WDR70: variants seen among roughly 807,000 people sequenced by gnomAD.
WDR70 encodes WD repeat domain 70, also known as WD repeat-containing protein 70.
In WDR70, 53 loss-of-function variants were observed where a neutral mutation model predicts 88.6. The ratio of observed to expected loss-of-function variants is 0.60; its 90% confidence interval spans 0.48 to 0.75. The LOEUF (loss-of-function observed/expected upper bound fraction) is 0.75, where lower values mean the gene tolerates loss of function less well. WDR70 is among the 30% of genes least tolerant of loss of function. The probability of loss-of-function intolerance (pLI) is 0.00; values close to 1 mark genes in which losing one functional copy is unlikely to be tolerated. For synonymous variants in WDR70, 280 were observed against 270.0 expected (o/e 1.04, Z -0.36); for missense variants, 610 against 823.2 (o/e 0.74, Z 3.17).
intron 5 of WDR70, among the ~76,000 whole-genome samples, chr5:37,403,039 T>A (rs1749250742): frequency 7.1e-6 from 1 of 141,300 alleles, no homozygotes; most frequent in Non-Finnish European, 1.5e-5. Flanking sequence ...ATCTGCCTCC[T>A]GGCCTCAAGC....
At chr5:37,554,676 A>ACGCG (rs113185133) in intron 9 of WDR70, among the ~76,000 whole-genome samples, 37 of 102,152 alleles carry the variant, frequency 3.6e-4, no homozygotes, top group African/African-American at 1.3e-3. Context: ...ATGCACCTGC[A>ACGCG]CGCACACACA....
At chr5:37,693,372 T>C (rs1414331474) in intron 10 of WDR70, among the ~76,000 whole-genome samples, 1 of 152,152 alleles carries the variant, frequency 6.6e-6, no homozygotes, top group African/African-American at 2.4e-5. Flanking sequence ...TTAAAGTTCA[T>C]ATGGAACCAA....
chr5:37,620,289 G>A (rs1230056855), intron 10 of WDR70, among the ~76,000 whole-genome samples: 3 of 152,038 alleles, frequency 2.0e-5, no homozygotes, highest in African/African-American at 4.8e-5. Flanking sequence ...TTGCCGCTTT[G>A]TTGTTCTTTG....
At chr5:37,474,701 A>G (rs116678723) in intron 7 of WDR70, among the ~76,000 whole-genome samples, 15,787 of 152,054 alleles carry the variant, frequency 0.1, 963 homozygotes, top group South Asian at 0.2. Flanking sequence ...TCCATTAGCT[A>G]TTCTTCCACA....
At chr5:37,612,369 C>T (rs1184837432) in intron 10 of WDR70, among the ~76,000 whole-genome samples, 2 of 152,062 alleles carry the variant, frequency 1.3e-5, no homozygotes, top group Non-Finnish European at 2.9e-5. Flanking sequence ...TATACAATTA[C>T]ATTATATTTT....
intron 10 of WDR70, among the ~76,000 whole-genome samples, chr5:37,678,542 G>A (rs922864964): frequency 1.3e-5 from 2 of 152,120 alleles, no homozygotes; most frequent in Non-Finnish European, 2.9e-5. Context: ...TTTTCTTTAA[G>A]AATGTTGAAT....
rs558120493 is a variant in WDR70 at position 37,449,411 on chromosome 5, G to A, written c.686+6039G>A. 3.3e-5 allele frequency among the ~76,000 whole-genome samples: 5 copies of A among 152,096 alleles called. No homozygotes were observed. In the South Asian group the frequency reaches 1.0e-3, roughly 32 times the overall value. On this transcript the variant is annotated intron_variant, in intron 7 of 17. Coordinates refer to ENST00000265107, the MANE Select transcript of WDR70 (RefSeq NM_018034.4). ...GTTCAAGACCAGCCTGGCCAACATGGTGAAACCCCGTCTGTACTAAAAATA... is the reference window on the plus strand; with the variant it reads ...GTTCAAGACCAGCCTGGCCAACATGATGAAACCCCGTCTGTACTAAAAATA...
At position 37,732,607 on chromosome 5, in the gene WDR70, C is replaced by T. The variant is rs539165394; in HGVS notation, c.1877+5562C>T. ...TTTATAATTTTTTAGCATCTGTTCT[C>T]GAGAAAAGATGCTAAAAGGAGCTTT... On this transcript the variant is annotated intron_variant, in intron 17 of 17. Transcript: ENST00000265107. Among the ~76,000 whole-genome samples, 59 of 152,090 alleles carry T rather than the reference C, an allele frequency of 3.9e-4. 1 individual carries two copies. Among genetic ancestry groups the T allele is most frequent in the Admixed American group, 3.6e-3 (55 of 15,256 alleles).
At chr5:37,566,900 A>T (rs1408672725) in intron 9 of WDR70, among the ~76,000 whole-genome samples, 1 of 152,180 alleles carries the variant, frequency 6.6e-6, no homozygotes, top group Non-Finnish European at 1.5e-5. Context: ...AACTGTCAGA[A>T]TCATCCTAAG....
chr5:37,516,677 G>T, intron 9 of WDR70, 87 bp downstream of exon 9: 2 of 616,540 alleles, frequency 3.2e-6, no homozygotes, highest in South Asian at 3.4e-5. Flanking sequence ...TGGCAGTAAT[G>T]TAGTAAGTGG....
At chr5:37,625,507 TA>T (rs1437282598) in intron 10 of WDR70, among the ~76,000 whole-genome samples, 1 of 151,978 alleles carries the variant, frequency 6.6e-6, no homozygotes, top group East Asian at 1.9e-4. Flanking sequence ...CATTTGCCCA[TA>T]TTTTTTGTTG....
chr5:37,381,358 G>A (rs1748417960), intron 2 of WDR70, among the ~76,000 whole-genome samples: 1 of 152,186 alleles, frequency 6.6e-6, no homozygotes, highest in Non-Finnish European at 1.5e-5. Flanking sequence ...CATCAGTGTT[G>A]TTGTTTCATA....
intron 8 of WDR70, among the ~76,000 whole-genome samples, chr5:37,491,092 T>A (rs1740055294): frequency 6.6e-6 from 1 of 152,072 alleles, no homozygotes; most frequent in South Asian, 2.1e-4. Context: ...CTTGTCAGGG[T>A]TAAGGGACTG....
Position 37,449,969 on chromosome 5 carries a change from C to A in WDR70, c.686+6597C>A, listed in dbSNP as rs768178085. Among the ~76,000 whole-genome samples the A allele has an allele frequency of 2.2e-4, 33 of 152,224 alleles. 1 individual carries two copies. The highest frequency in any genetic ancestry group is 1.9e-4 in the East Asian group (1 of 5,186). On this transcript the variant is annotated intron_variant, in intron 7 of 17. Transcript: ENST00000265107. ...GTGTCCATGTGTTCTCATTGTTCAG[C>A]TCCCACTTATGAGTGAGAACATGTG...
intron 9 of WDR70, among the ~76,000 whole-genome samples, chr5:37,555,530 C>G (rs545050711): frequency 2.0e-5 from 3 of 152,266 alleles, no homozygotes; most frequent in African/African-American, 2.4e-5. Context: ...TTCCCATGCT[C>G]TAATAGTTCA....
intron 9 of WDR70, among the ~76,000 whole-genome samples, chr5:37,550,762 TG>T (rs1246470860): frequency 6.6e-6 from 1 of 152,010 alleles, no homozygotes; most frequent in Non-Finnish European, 1.5e-5. Flanking sequence ...AGTAAGGACT[TG>T]TTCCTGCCAT....
intron 7 of WDR70, among the ~76,000 whole-genome samples, chr5:37,444,736 T>C (rs67608520): frequency 0.26 from 39,583 of 152,068 alleles, 5,757 homozygotes; most frequent in East Asian, 0.48. Flanking sequence ...CCCCAATCTT[T>C]TTTGCACCAG....
intron 5 of WDR70, among the ~76,000 whole-genome samples, chr5:37,423,802 T>C (rs1750028842): frequency 6.8e-6 from 1 of 145,998 alleles, no homozygotes; most frequent in Non-Finnish European, 1.5e-5. Flanking sequence ...GACCTCGTGG[T>C]CCGCCCGCCT....
intron 10 of WDR70, among the ~76,000 whole-genome samples, chr5:37,681,154 C>T (rs1343956096): frequency 1.3e-4 from 19 of 151,914 alleles, no homozygotes. Context: ...AGAGATCTTT[C>T]ACCTCACTGG....
Sources: allele counts gnomAD v4.1 joint callset (sites outside exome capture counted in the v4.1 genomes callset), GRCh38; gene constraint gnomAD v4.1.1; transcripts MANE v1.5; gene names NCBI Gene and HGNC (gene_info 2026-07-23, HGNC 2026-07-21).